Variants in FAM151B observed in about 807,000 individuals in gnomAD.
FAM151B encodes family with sequence similarity 151 member B.
Under a neutral mutation model 31.2 loss-of-function variants are expected in FAM151B, and 24 were observed. That is an observed-to-expected ratio of 0.77 (90% confidence interval 0.56 to 1.08). The LOEUF (loss-of-function observed/expected upper bound fraction) is 1.08, where lower values mean the gene tolerates loss of function less well. FAM151B is among the 50% of genes least tolerant of loss of function. FAM151B has a pLI of 0.00. For missense variants in FAM151B, 293 were observed against 328.6 expected, an observed-to-expected ratio of 0.89 and a Z score of 0.84; for synonymous variants, 105 against 111.4, an observed-to-expected ratio of 0.94 and a Z score of 0.36.
At chr5:80,494,991 A>G (rs933804775) in intron 1 of FAM151B, 2 of 152,170 alleles carry the variant, frequency 1.3e-5, no homozygotes, top group African/African-American at 4.8e-5. Flanking sequence ...GCTCATTACT[A>G]TACTGAAAAT....
chr5:80,538,032 TCTAA>T (rs1745601185), intron 5 of FAM151B, among the ~76,000 whole-genome samples: 1 of 151,380 alleles, frequency 6.6e-6, no homozygotes, highest in Non-Finnish European at 1.5e-5. Context: ...AAATATAGCA[TCTAA>T]TTTCCCTTCC....
intron 1 of FAM151B, chr5:80,498,477 G>GT (rs1743628449): frequency 1.6e-6 from 1 of 641,850 alleles, no homozygotes; most frequent in Non-Finnish European, 2.7e-6. Flanking sequence ...TTGGTTTTTT[G>GT]GGGGGCTTTT....
intron 1 of FAM151B, chr5:80,500,303 A>C: frequency 1.3e-6 from 1 of 750,432 alleles, no homozygotes; most frequent in Non-Finnish European, 2.4e-6. Context: ...ATATAAGATG[A>C]GCAAGTTGCC....
At chr5:80,526,382 C>T (rs909811128) in intron 5 of FAM151B, among the ~76,000 whole-genome samples, 2 of 150,224 alleles carry the variant, frequency 1.3e-5, no homozygotes, top group Admixed American at 6.7e-5. Flanking sequence ...CCAAGGCGGG[C>T]GGATCACCTG....
At chr5:80,531,330 A>G (rs939606274) in intron 5 of FAM151B, among the ~76,000 whole-genome samples, 2 of 152,246 alleles carry the variant, frequency 1.3e-5, no homozygotes, top group Non-Finnish European at 2.9e-5. Flanking sequence ...AGCATGGGCA[A>G]GGACTTCATG....
chr5:80,491,285 G>A (rs1020331044), intron 1 of FAM151B, among the ~76,000 whole-genome samples: 1 of 151,724 alleles, frequency 6.6e-6, no homozygotes, highest in Admixed American at 6.6e-5. Context: ...GTGCAATCAT[G>A]GCTCACTGCA....
Position 80,494,447 on chromosome 5 carries a change from C to CTTTCTTTCTTTCTTTCT in FAM151B, c.25+6310_25+6311insCTTTCTTTTCTTTCTTT, listed in dbSNP as rs1417904669. Among the ~76,000 whole-genome samples, 71 of 47,780 alleles carry CTTTCTTTCTTTCTTTCT rather than the reference C, an allele frequency of 1.5e-3. 2 individuals are homozygous for CTTTCTTTCTTTCTTTCT. Among genetic ancestry groups the CTTTCTTTCTTTCTTTCT allele is most frequent in the South Asian group, 3.7e-3 (6 of 1,626 alleles). The allele number at this position is 47,780 out of a possible 152,430, so 31.3% of individuals were successfully genotyped here. A position where few individuals can be genotyped will look rare whatever the true frequency, so the allele number is the denominator to read the frequency against. On this transcript the variant is annotated intron_variant, in intron 1 of 5. Transcript: ENST00000282226. ...TTTCTTTCTGTCTTTCTTTCTTTTT[C>CTTTCTTTCTTTCTTTCT]TTTCTTTCTTTTCTTTCTTTCTTTC...
chr5:80,506,165 A>G, intron 2 of FAM151B: 1 of 959,368 alleles, frequency 1.0e-6, no homozygotes, highest in Non-Finnish European at 1.2e-6. Context: ...CAGCACTTGA[A>G]GTTTTCCTGA....
chr5:80,536,136 G>A (rs1414260630), intron 5 of FAM151B, among the ~76,000 whole-genome samples: 1 of 151,472 alleles, frequency 6.6e-6, no homozygotes, highest in Non-Finnish European at 1.5e-5. Context: ...CTGTTGGTAC[G>A]AGGGTTTTAG....
chr5:80,538,440 CTTTCTT>C (rs1561383428), intron 5 of FAM151B, among the ~76,000 whole-genome samples: 3,111 of 59,762 alleles, frequency 0.052, 120 homozygotes, highest in East Asian at 0.091. Flanking sequence ...TTCTTTCTTT[CTTTCTT>C]TCTCTTTCTT....
intron 3 of FAM151B, among the ~76,000 whole-genome samples, chr5:80,517,016 C>T (rs148102853): frequency 6.6e-6 from 1 of 152,268 alleles, no homozygotes; most frequent in African/African-American, 2.4e-5. Flanking sequence ...TGTGACTCAT[C>T]CCTTCCCTTC....
intron 4 of FAM151B, 82 bp downstream of exon 4, chr5:80,519,992 A>T: frequency 1.5e-6 from 2 of 1,311,748 alleles, no homozygotes; most frequent in Non-Finnish European, 1.1e-6. Context: ...ACAAAGACCA[A>T]AACCCATTCT....
intron 1 of FAM151B, among the ~76,000 whole-genome samples, chr5:80,489,653 G>A (rs1454920717): frequency 6.6e-6 from 1 of 152,212 alleles, no homozygotes; most frequent in Non-Finnish European, 1.5e-5. Flanking sequence ...GGCCGGGCGC[G>A]GTGACTCACG....
At chr5:80,518,595 A>G (rs994414681) in intron 3 of FAM151B, among the ~76,000 whole-genome samples, 7 of 152,182 alleles carry the variant, frequency 4.6e-5, no homozygotes, top group Admixed American at 3.3e-4. Flanking sequence ...GCCCTCCCCA[A>G]TTCAGGGGCA....
chr5:80,494,853 G>A (rs1743472176), intron 1 of FAM151B, among the ~76,000 whole-genome samples: 1 of 151,980 alleles, frequency 6.6e-6, no homozygotes, highest in Admixed American at 6.6e-5. Flanking sequence ...GCCTTCTATT[G>A]TAAGAAGATG....
chr5:80,515,771 G>C (rs996420546), intron 3 of FAM151B, among the ~76,000 whole-genome samples: 2 of 152,074 alleles, frequency 1.3e-5, no homozygotes, highest in Non-Finnish European at 2.9e-5. Flanking sequence ...TTAAATTCTC[G>C]TAACAATCCT....
At chr5:80,538,448 C>CTCTTTCTTTCTTTCTTTCTT (rs776089650) in intron 5 of FAM151B, among the ~76,000 whole-genome samples, 1 of 49,348 alleles carries the variant, frequency 2.0e-5, no homozygotes, top group African/African-American at 9.8e-5. Flanking sequence ...TTCTTTCTTT[C>CTCTTTCTTTCTTTCTTTCTT]TCTTTCTTTC....
At chr5:80,508,079 T>C (rs1235426682) in intron 2 of FAM151B, among the ~76,000 whole-genome samples, 4 of 152,236 alleles carry the variant, frequency 2.6e-5, no homozygotes, top group Admixed American at 2.6e-4. Flanking sequence ...GTTTTCAAAG[T>C]TCAGCTGTTT....
At chr5:80,500,445 A>G in intron 1 of FAM151B, 1 of 1,015,974 alleles carries the variant, frequency 9.8e-7, no homozygotes, top group Non-Finnish European at 1.5e-6. Context: ...AAGTTTACCC[A>G]AAAGATGCTT....
Sources: gnomAD v4.1 joint callset for allele counts (sites outside exome capture counted in the v4.1 genomes callset) on GRCh38, gnomAD v4.1.1 for gene constraint, MANE v1.5 for transcripts, NCBI Gene and HGNC (gene_info 2026-07-23, HGNC 2026-07-21) for gene names.